ZMIZ1: variants seen among roughly 807,000 people sequenced by gnomAD.
ZMIZ1 encodes zinc finger MIZ domain-containing protein 1.
Under a neutral mutation model 113.9 loss-of-function variants are expected in ZMIZ1, and 17 were observed. The observed-to-expected ratio is 0.15, with a 90% CI of 0.10 to 0.22. The LOEUF (loss-of-function observed/expected upper bound fraction) is 0.22. ZMIZ1 is among the 10% of genes least tolerant of loss of function. The pLI, the probability that ZMIZ1 is intolerant of heterozygous loss-of-function variation, is 1.00. For synonymous variants in ZMIZ1, 607 were observed against 603.1 expected (o/e 1.01, Z -0.09); for missense variants, 1,059 against 1,477.8 (o/e 0.72, Z 4.65).
rs1161079498 is a variant in ZMIZ1, at chr10:79,160,925, C to G, written c.-130-1128C>G. ...ACAGTGACTGTTCACGGCCTTGCAT[C>G]GGGGCACCTTCACAGCCATAGCTTG... On this transcript the variant is annotated intron_variant, in intron 3 of 24. Coordinates refer to ENST00000334512, the MANE Select transcript of ZMIZ1 (RefSeq NM_020338.4). Among the ~76,000 whole-genome samples, 3 of 152,246 alleles carry G rather than the reference C, an allele frequency of 2.0e-5. No individual in the cohort carries two copies. In the South Asian group the frequency reaches 6.2e-4, roughly 31 times the overall value.
At chr10:79,308,575 T>C (rs1854893668) in intron 23 of ZMIZ1, among the ~76,000 whole-genome samples, 1 of 152,156 alleles carries the variant, frequency 6.6e-6, no homozygotes, top group East Asian at 1.9e-4. Flanking sequence ...TCCACACACC[T>C]GACATGGAAT....
chr10:79,138,955 C>G (rs1222522434), intron 2 of ZMIZ1, among the ~76,000 whole-genome samples: 1 of 152,096 alleles, frequency 6.6e-6, no homozygotes, highest in African/African-American at 2.4e-5. Flanking sequence ...TCAGCTCAGA[C>G]CAAGAATCCT....
intron 7 of ZMIZ1, among the ~76,000 whole-genome samples, chr10:79,235,626 T>C (rs922159261): frequency 1.3e-5 from 2 of 152,206 alleles, no homozygotes; most frequent in African/African-American, 4.8e-5. Flanking sequence ...CCACCCATCT[T>C]CAGGATGCAT....
chr10:79,264,102 G>T (rs1442826533), intron 7 of ZMIZ1, among the ~76,000 whole-genome samples: 1 of 152,218 alleles, frequency 6.6e-6, no homozygotes, highest in African/African-American at 2.4e-5. Context: ...GCTCCTGCTG[G>T]AATGAGAGCT....
chr10:79,105,972 G>A (rs372218152), intron 1 of ZMIZ1, among the ~76,000 whole-genome samples: 13 of 152,260 alleles, frequency 8.5e-5, no homozygotes, highest in East Asian at 3.9e-4. Flanking sequence ...CTGGAGGGAC[G>A]TTCTGGTAAA....
intron 7 of ZMIZ1, among the ~76,000 whole-genome samples, chr10:79,255,527 G>T (rs1397200771): frequency 6.6e-6 from 1 of 152,140 alleles, no homozygotes; most frequent in Non-Finnish European, 1.5e-5. Context: ...AACCATCTCT[G>T]TCTTGAGCCC....
At chr10:79,218,951 C>T (rs1025435299) in intron 7 of ZMIZ1, among the ~76,000 whole-genome samples, 3 of 151,614 alleles carry the variant, frequency 2.0e-5, no homozygotes, top group African/African-American at 7.3e-5. Context: ...TCTTGGAGGT[C>T]ACAGTCTTTG....
At chr10:79,150,214 G>A (rs549163097) in intron 3 of ZMIZ1, among the ~76,000 whole-genome samples, 2 of 151,814 alleles carry the variant, frequency 1.3e-5, no homozygotes, top group East Asian at 2.0e-4. Flanking sequence ...GTGGCCACCC[G>A]CCCACCCAAC....
intron 5 of ZMIZ1, among the ~76,000 whole-genome samples, chr10:79,202,189 G>GAAAAAAAAAAAAAAAAAAAAAAAAAA: frequency 1.9e-5 from 1 of 52,636 alleles, no homozygotes; most frequent in Non-Finnish European, 3.8e-5. Context: ...CCCTGTCTCA[G>GAAAAAAAAAAAAAAAAAAAAAAAAAA]AAAAAAAAAA....
chr10:79,077,382 C>T (rs556102987), intron 1 of ZMIZ1, among the ~76,000 whole-genome samples: 1 of 151,842 alleles, frequency 6.6e-6, no homozygotes, highest in South Asian at 2.1e-4. Context: ...CTCTGTCCAA[C>T]CTTCTTATTT....
chr10:79,290,881 C>A, intron 9 of ZMIZ1, 78 bp from the exon 10 acceptor site: 1 of 1,531,374 alleles, frequency 6.5e-7, no homozygotes, highest in Admixed American at 1.7e-5. Context: ...TTCTCCCTTT[C>A]CCCTCTTCAT....
In ZMIZ1 at chr10:79,292,138, C is replaced by A. The variant is rs747037797; in HGVS notation, c.759-20C>A. 6.3e-7 allele frequency: 1 copy of A among 1,594,454 alleles called. No homozygotes were observed. Among genetic ancestry groups the A allele is most frequent in the South Asian group, 1.1e-5 (1 of 89,858 alleles). On this transcript the variant is annotated intron_variant, in intron 10 of 24. Coordinates refer to ENST00000334512, the MANE Select transcript of ZMIZ1 (RefSeq NM_020338.4). ...CAGATGCAGGCAGTACCTAACTCTT[C>A]CACCCTTCTCCCCCTGCAGTTACCC...
chr10:79,140,240 T>C (rs1012195205), intron 3 of ZMIZ1, among the ~76,000 whole-genome samples: 17 of 152,194 alleles, frequency 1.1e-4, no homozygotes, highest in African/African-American at 3.9e-4. Context: ...TGTGCTTCAC[T>C]GGGGATGTGG....
At chr10:79,248,877 T>C (rs12251069) in intron 7 of ZMIZ1, among the ~76,000 whole-genome samples, 4,002 of 152,200 alleles carry the variant, frequency 0.026, 178 homozygotes, top group African/African-American at 0.091. Flanking sequence ...CAGCGGGTAG[T>C]CTCTGGGCTT....
intron 6 of ZMIZ1, among the ~76,000 whole-genome samples, chr10:79,213,239 G>A (rs1367654435): frequency 1.3e-5 from 2 of 152,184 alleles, no homozygotes. Context: ...CTGAGCCCAC[G>A]CTCCCACCAC....
At chr10:79,273,719 G>A (rs1367517599) in intron 7 of ZMIZ1, among the ~76,000 whole-genome samples, 1 of 152,232 alleles carries the variant, frequency 6.6e-6, no homozygotes, top group East Asian at 1.9e-4. Flanking sequence ...GATTGGAAGG[G>A]GCCCAAAAAG....
intron 7 of ZMIZ1, among the ~76,000 whole-genome samples, chr10:79,255,831 G>A (rs1190396922): frequency 1.3e-5 from 2 of 152,158 alleles, no homozygotes; most frequent in Non-Finnish European, 2.9e-5. Context: ...TTTCCGCATC[G>A]ATCATAAACA....
At chr10:79,163,407 A>G (rs1589362240) in intron 4 of ZMIZ1, among the ~76,000 whole-genome samples, 1 of 152,364 alleles carries the variant, frequency 6.6e-6, no homozygotes, top group South Asian at 2.1e-4. Flanking sequence ...TCTGAAAATG[A>G]GGCTGATTAT....
chr10:79,304,150 G>A lies in ZMIZ1; in HGVS notation c.2261G>A (p.Arg754Gln). Residue 754 changes from arginine to glutamine, a missense_variant, in exon 19 of 25, where the codon CGA (arginine) becomes CAA (glutamine). Physicochemically the swap from Arg to Gln is conservative, Grantham distance 43. Around this residue, in one of 6 missense-constraint regions of ZMIZ1, gnomAD observed 217 missense variants for 426.9 expected, o/e 0.51. Coordinates refer to ENST00000334512, the MANE Select transcript of ZMIZ1 (RefSeq NM_020338.4). ...ITFRRIQLPA[R>Q]GHDCKHVQCF... is the part of the protein sequence containing the mutation. ...TTCCGGCGCATCCAGCTGCCTGCTCGAGGACACGATTGCAAGCATGTGCAG... is the reference window on the plus strand; with the variant it reads ...TTCCGGCGCATCCAGCTGCCTGCTCAAGGACACGATTGCAAGCATGTGCAG... The A allele has an allele frequency of 1.2e-6, 2 of 1,614,000 alleles. No homozygotes were observed. Among genetic ancestry groups the A allele is most frequent in the East Asian group, 2.2e-5 (1 of 44,874 alleles).
Sources: allele counts gnomAD v4.1 joint callset (sites outside exome capture counted in the v4.1 genomes callset), GRCh38; gene constraint gnomAD v4.1.1; regional missense constraint gnomAD v4.1.1; transcripts MANE v1.5; gene names NCBI Gene and HGNC (gene_info 2026-07-23, HGNC 2026-07-21).